Variants in ABCA13 observed in about 807,000 individuals in gnomAD.
The protein encoded by ABCA13 is ATP-binding cassette sub-family A member 13.
ABCA13 carries 476 observed loss-of-function variants against 478.7 expected under a neutral mutation model. The observed-to-expected ratio is 0.99, with a 90% CI of 0.92 to 1.07. The LOEUF is 1.07. Ranked by LOEUF, ABCA13 falls within the 50% of genes least tolerant of loss-of-function variation. The probability of loss-of-function intolerance (pLI) is 0.00; values close to 1 mark genes in which losing one functional copy is unlikely to be tolerated. For synonymous variants in ABCA13, 2,252 were observed against 2,158.9 expected, an observed-to-expected ratio of 1.04 and a Z score of -1.20; for missense variants, 6,060 against 5,910.6, an observed-to-expected ratio of 1.03 and a Z score of -0.83.
chr7:48,351,895 A>G (rs1253018038), intron 30 of ABCA13, among the ~76,000 whole-genome samples: 5 of 152,228 alleles, frequency 3.3e-5, no homozygotes, highest in Non-Finnish European at 7.3e-5. Context: ...TGCAAAAAAC[A>G]TCTGACAAAT....
intron 23 of ABCA13, among the ~76,000 whole-genome samples, chr7:48,303,404 T>C (rs1453854698): frequency 6.6e-6 from 1 of 152,220 alleles, no homozygotes; most frequent in African/African-American, 2.4e-5. Context: ...TCATGAAGTC[T>C]TTGCCCATTC....
At position 48,398,520 on chromosome 7, in the gene ABCA13, G is replaced by C. The variant is rs537930023; in HGVS notation, c.11874-5163G>C. Among the ~76,000 whole-genome samples, 9 of 152,256 alleles carry C rather than the reference G, an allele frequency of 5.9e-5. No individual in the cohort carries two copies. The East Asian group carries it at 7.7e-4, about 13-fold the overall frequency. On this transcript the variant is annotated intron_variant, in intron 38 of 61. Transcript: ENST00000435803. Reference sequence around the variant, plus strand: ...CACCGCTTGGTTTCCTTAATGTGTAGCTTCATTAAAATGTGACTTCAAGGG... The same window carrying C: ...CACCGCTTGGTTTCCTTAATGTGTACCTTCATTAAAATGTGACTTCAAGGG...
intron 1 of ABCA13, among the ~76,000 whole-genome samples, chr7:48,184,427 G>T (rs1412787995): frequency 1.3e-5 from 2 of 152,134 alleles, no homozygotes; most frequent in African/African-American, 4.8e-5. Context: ...TTTGTAAATA[G>T]CTTAAGTTTC....
rs201644209 is a variant in ABCA13 at position 48,427,747 on chromosome 7, GT to G, written c.12460-10del. The G allele has an allele frequency of 4.9e-5, 70 of 1,442,576 alleles. No homozygotes were observed. The highest frequency in any genetic ancestry group is 9.6e-5 in the South Asian group (8 of 83,702). 89.4% of individuals were successfully genotyped at this position (1,442,576 alleles called of 1,614,324 possible). ...ATAGAAACATAAAATAATACATGGC[GT>G]TTTTTTTTCTCCGAAAGGTGTTTTT... On this transcript the variant is annotated intron_variant, in intron 41 of 61. Coordinates refer to ENST00000435803, the MANE Select transcript of ABCA13 (RefSeq NM_152701.5).
In ABCA13 at chr7:48,503,060, G is replaced by A. The variant is rs967536828; in HGVS notation, c.13292-3276G>A. ...TGCCATGCTATACATTAGGTCTCCAGAACTTATTTACATATTTACTTATGT... is the reference window on the plus strand; with the variant it reads ...TGCCATGCTATACATTAGGTCTCCAAAACTTATTTACATATTTACTTATGT... On this transcript the variant is annotated intron_variant, in intron 48 of 61. Coordinates refer to ENST00000435803, the MANE Select transcript of ABCA13 (RefSeq NM_152701.5). Among the ~76,000 whole-genome samples, 2 of 152,152 alleles carry A rather than the reference G, an allele frequency of 1.3e-5. 1 individual carries two copies. The highest frequency in any genetic ancestry group is 4.8e-5 in the African/African-American group (2 of 41,440).
chr7:48,214,579 T>A (rs964855035), intron 3 of ABCA13, among the ~76,000 whole-genome samples: 1 of 152,198 alleles, frequency 6.6e-6, no homozygotes, highest in South Asian at 2.1e-4. Context: ...TTTAGCTAGA[T>A]CTTCTGGAGA....
In ABCA13 at chr7:48,580,260, C is replaced by T. The variant is rs751959837; in HGVS notation, c.14391C>T (p.Gly4797=). ...AVDLSSAGTA[G]VLIGYCPQQD... is the part of the protein sequence containing the mutation. Reference sequence around the variant, plus strand: ...ACCTGTCTTCTGCTGGCACGGCAGGCGTGCTCATTGGCTACTGTCCCCAGC... The same window carrying T: ...ACCTGTCTTCTGCTGGCACGGCAGGTGTGCTCATTGGCTACTGTCCCCAGC... Residue 4797 remains glycine, a synonymous_variant, in exon 56 of 62, where the codon GGC becomes GGT. Transcript: ENST00000435803. 81 of 1,610,308 alleles carry T rather than the reference C, an allele frequency of 5.0e-5. 1 individual carries two copies. The highest frequency in any genetic ancestry group is 5.9e-5 in the Non-Finnish European group (70 of 1,178,606).
intron 27 of ABCA13, among the ~76,000 whole-genome samples, chr7:48,318,558 A>T (rs539526155): frequency 1.1e-3 from 163 of 151,628 alleles, no homozygotes; most frequent in African/African-American, 3.8e-3. Context: ...TTCCTAAAAA[A>T]AAATCTTGAA....
intron 59 of ABCA13, among the ~76,000 whole-genome samples, chr7:48,637,059 A>C (rs949720090): frequency 1.3e-5 from 2 of 152,150 alleles, no homozygotes; most frequent in Non-Finnish European, 2.9e-5. Context: ...ACTCAGAAGA[A>C]GTTTAATCCA....
At position 48,234,065 on chromosome 7, in the gene ABCA13, A is replaced by G. The variant is rs1257364115; in HGVS notation, c.811A>G (p.Lys271Glu). 46 of 1,614,050 alleles carry G rather than the reference A, an allele frequency of 2.8e-5. No individual in the cohort carries two copies. Among genetic ancestry groups the G allele is most frequent in the Non-Finnish European group, 3.8e-5 (45 of 1,179,902 alleles). The part of the protein sequence containing the change: ...SMQNIVWDPQ[K>E]VQYDLKSQFG... ...GCAGAATATAGTGTGGGATCCACAG[A>G]AAGTCCAGTATGATCTCAAATCCCA... The change falls in exon 8 of 62, where the codon AAA (lysine) becomes GAA (glutamate). Residue 271 changes from lysine (K) to glutamate (E), a missense_variant. Around this residue, in one of 3 missense-constraint regions of ABCA13, gnomAD observed 4,423 missense variants for 4,309.1 expected, o/e 1.03. Transcript: ENST00000435803.
intron 34 of ABCA13, 87 bp from the exon 35 acceptor site, chr7:48,376,354 G>A (rs1813479469): frequency 6.7e-7 from 1 of 1,497,806 alleles, no homozygotes; most frequent in Non-Finnish European, 9.0e-7. Flanking sequence ...CTTCACTTGA[G>A]CTTCCAGAAG....
In ABCA13 at chr7:48,588,794, A is replaced by T. The variant is rs145849346; in HGVS notation, c.14640+1506A>T. 7.3e-3 allele frequency among the ~76,000 whole-genome samples: 1,117 copies of T among 152,338 alleles called. 8 individuals are homozygous for T. The highest frequency in any genetic ancestry group is 8.1e-3 in the Non-Finnish European group (553 of 68,030). ...TGGTTACTGTTCAGAGCAATAGGTT[A>T]AAGAGATTTGTTGCCAGGCCTTTGG... is the stretch of plus-strand genomic sequence containing the variant. On this transcript the variant is annotated intron_variant, in intron 57 of 61. Transcript: ENST00000435803.
chr7:48,289,307 T>A (rs1798183064), intron 20 of ABCA13, among the ~76,000 whole-genome samples: 1 of 151,482 alleles, frequency 6.6e-6, no homozygotes, highest in Non-Finnish European at 1.5e-5. Flanking sequence ...GTTGTGCAGA[T>A]CTTTGTCAGG....
At chr7:48,418,077 A>G (rs1563222455) in intron 41 of ABCA13, among the ~76,000 whole-genome samples, 1 of 152,202 alleles carries the variant, frequency 6.6e-6, no homozygotes, top group Admixed American at 6.5e-5. Flanking sequence ...CTATTTATCT[A>G]TTCATCTACT....
At chr7:48,460,922 A>G (rs1378598556) in intron 43 of ABCA13, among the ~76,000 whole-genome samples, 2 of 152,232 alleles carry the variant, frequency 1.3e-5, no homozygotes, top group African/African-American at 4.8e-5. Context: ...TGATCCAGTG[A>G]TGTTAACATT....
intron 32 of ABCA13, among the ~76,000 whole-genome samples, chr7:48,371,044 C>T (rs1812554095): frequency 6.6e-6 from 1 of 152,076 alleles, no homozygotes; most frequent in Non-Finnish European, 1.5e-5. Flanking sequence ...GAACCCTTTC[C>T]CCATTGCTTA....
intron 3 of ABCA13, among the ~76,000 whole-genome samples, chr7:48,218,022 C>A (rs1171374444): frequency 6.6e-6 from 1 of 152,200 alleles, no homozygotes; most frequent in African/African-American, 2.4e-5. Flanking sequence ...CACATACACA[C>A]AAATTAACAT....
intron 3 of ABCA13, among the ~76,000 whole-genome samples, chr7:48,211,991 CA>C (rs1285929920): frequency 2.0e-5 from 3 of 152,066 alleles, no homozygotes; most frequent in Non-Finnish European, 4.4e-5. Context: ...CCACTGCCTT[CA>C]AAACCAGCAG....
chr7:48,275,019 A>G lies in ABCA13; in HGVS notation c.5353A>G (p.Asn1785Asp), dbSNP rs1432592560. ...ACTCCTTCATGGCATAACCATTTCA[A>G]ATATCACCAAGGAAGACTTCGCAAT... is the stretch of plus-strand genomic sequence containing the variant. ...FTLLHGITIS[N>D]ITKEDFAIVI... The change falls in exon 17 of 62, where the codon AAT becomes GAT. Residue 1785 changes from asparagine to aspartate, a missense_variant. Coordinates refer to ENST00000435803, the MANE Select transcript of ABCA13 (RefSeq NM_152701.5). 3 of 1,613,808 alleles carry G rather than the reference A, an allele frequency of 1.9e-6. No homozygotes were observed. Among genetic ancestry groups the G allele is most frequent in the Non-Finnish European group, 2.5e-6 (3 of 1,179,872 alleles).
Sources: allele counts gnomAD v4.1 joint callset (sites outside exome capture counted in the v4.1 genomes callset), GRCh38; gene constraint gnomAD v4.1.1; regional missense constraint gnomAD v4.1.1; transcripts MANE v1.5; gene names NCBI Gene and HGNC (gene_info 2026-07-23, HGNC 2026-07-21).